TGFBR3: variants seen among roughly 807,000 people sequenced by gnomAD.
TGFBR3 encodes transforming growth factor beta receptor type 3.
Under a neutral mutation model 87.9 loss-of-function variants are expected in TGFBR3, and 46 were observed. The observed-to-expected ratio is 0.52, with a 90% CI of 0.41 to 0.67. The LOEUF (loss-of-function observed/expected upper bound fraction) is 0.67. Among genes scored for constraint, TGFBR3 ranks in the 30% least tolerant of loss-of-function variants. TGFBR3 has a pLI of 0.00. For missense variants in TGFBR3, 866 were observed against 1,041.9 expected, an observed-to-expected ratio of 0.83 and a Z score of 2.32; for synonymous variants, 381 against 391.6, an observed-to-expected ratio of 0.97 and a Z score of 0.32.
chr1:91,789,850 C>A (rs1463477057), intron 3 of TGFBR3, among the ~76,000 whole-genome samples: 1 of 152,206 alleles, frequency 6.6e-6, no homozygotes, highest in Non-Finnish European at 1.5e-5. Context: ...CCTTTCCAGG[C>A]CTGGACTGGC....
intron 1 of TGFBR3, among the ~76,000 whole-genome samples, chr1:91,901,665 A>G (rs1408901663): frequency 3.3e-5 from 5 of 152,126 alleles, no homozygotes; most frequent in African/African-American, 1.2e-4. Context: ...CTGTAATCCC[A>G]GCACTTTGGG....
In TGFBR3 at chr1:91,734,766, T is replaced by A. The variant is rs1672901872; in HGVS notation, c.568+10A>T. 1 of 1,614,120 alleles carries A rather than the reference T, an allele frequency of 6.2e-7. No individual in the cohort carries two copies. The highest frequency in any genetic ancestry group is 1.1e-5 in the South Asian group (1 of 91,084). ...AAATCAGTCATTAACTGAAGCCACA[T>A]AAAATTTACCTTCCCCCACTTTAAT... On this transcript the variant is annotated intron_variant, in intron 5 of 16. Coordinates refer to ENST00000212355, the MANE Select transcript of TGFBR3 (RefSeq NM_003243.5).
In TGFBR3 at chr1:91,716,662, T is replaced by C. The variant is rs570468337; in HGVS notation, c.1613A>G (p.Asp538Gly). The C allele has an allele frequency of 1.2e-6, 2 of 1,614,100 alleles. No homozygotes were observed. The highest frequency in any genetic ancestry group is 2.7e-5 in the African/African-American group (2 of 75,028). Residue 538 changes from aspartate (D) to glycine (G), a missense_variant, in exon 11 of 17, where the codon GAT becomes GGT. Physicochemically the swap from Asp to Gly is moderately conservative, Grantham distance 94. Transcript: ENST00000212355. Reference sequence around the variant, plus strand: ...ACCTGACTCCAGATCTTCATAACCATCTGGCCAACCACTACTGTCCCCAAG... The same window carrying C: ...ACCTGACTCCAGATCTTCATAACCACCTGGCCAACCACTACTGTCCCCAAG... Reference protein sequence around the residue: ...PALGDSSGWPDGYEDLESGDN... With the variant: ...PALGDSSGWPGGYEDLESGDN...
At chr1:91,778,779 A>ATATACTAGC (rs1557705648) in intron 3 of TGFBR3, among the ~76,000 whole-genome samples, 1 of 152,250 alleles carries the variant, frequency 6.6e-6, no homozygotes, top group Non-Finnish European at 1.5e-5. Context: ...ATACTAGCAG[A>ATATACTAGC]AGAGATAGAC....
rs368651115 is a variant in TGFBR3 at position 91,716,622 on chromosome 1, C to T, written c.1653G>A (p.Pro551=). The change falls in exon 11 of 17, where the codon CCG becomes CCA. Residue 551 remains proline (P), a synonymous_variant. Transcript: ENST00000212355. ...EDLESGDNGF[P]GDMDEGDASL... ...AAGCATCTCCTTCATCCATATCTCC[C>T]GGAAATCCATTATCACCTGACTCCA... is the stretch of plus-strand genomic sequence containing the variant. 50 of 1,614,010 alleles carry T rather than the reference C, an allele frequency of 3.1e-5. No homozygotes were observed. Among genetic ancestry groups the T allele is most frequent in the South Asian group, 1.3e-4 (12 of 91,080 alleles).
intron 4 of TGFBR3, among the ~76,000 whole-genome samples, chr1:91,752,917 C>G (rs1673601147): frequency 6.6e-6 from 1 of 151,300 alleles, no homozygotes; most frequent in Non-Finnish European, 1.5e-5. Context: ...ATCCCAGCTA[C>G]TCGGGAGGCT....
chr1:91,683,704 C>T lies in TGFBR3; in HGVS notation c.*35G>A, dbSNP rs1670991038. On this transcript the variant is annotated 3_prime_UTR_variant, in exon 17 of 17. Transcript: ENST00000212355. The stretch of plus-strand genomic sequence containing the variant: ...TTGGCAGTAGCTGAGCTGAGCTGGG[C>T]TGGGCTGGGTTGGGCCGGGTTGGGC... 2 of 1,458,796 alleles carry T rather than the reference C, an allele frequency of 1.4e-6. No individual in the cohort carries two copies. Among genetic ancestry groups the T allele is most frequent in the African/African-American group, 1.4e-5 (1 of 70,360 alleles). 90.4% of individuals were successfully genotyped at this position (1,458,796 alleles called of 1,614,324 possible).
At chr1:91,826,548 C>G (rs2634035) in intron 2 of TGFBR3, among the ~76,000 whole-genome samples, 151,200 of 152,168 alleles carry the variant, frequency 0.99, 75,122 homozygotes, top group Middle Eastern at 1. Context: ...GGGGAAAGAA[C>G]CTCTCTCGCT....
In TGFBR3 at chr1:91,800,330, A is replaced by ATATG. The variant is rs1553168326; in HGVS notation, c.62-2860_62-2859insCATA. 4.6e-3 allele frequency among the ~76,000 whole-genome samples: 620 copies of ATATG among 136,250 alleles called. 4 individuals carry two copies. The highest frequency in any genetic ancestry group is 0.015 in the Middle Eastern group (4 of 260). 89.4% of individuals were successfully genotyped at this position (136,250 alleles called of 152,430 possible). ...TGCATATATGTATATATATGTGTAT[A>ATATG]TGTGTGTGTGTGTGTGTGTGTGTGT... On this transcript the variant is annotated intron_variant, in intron 2 of 16. Transcript: ENST00000212355.
intron 3 of TGFBR3, among the ~76,000 whole-genome samples, chr1:91,762,527 G>A (rs1374344368): frequency 6.6e-6 from 1 of 152,196 alleles, no homozygotes; most frequent in South Asian, 2.1e-4. Context: ...TTCACATGCA[G>A]TTTCTCGTGA....
chr1:91,719,633 G>A (rs531477123), intron 9 of TGFBR3, among the ~76,000 whole-genome samples, 169 bp from the exon 10 acceptor site: 1 of 152,168 alleles, frequency 6.6e-6, no homozygotes, highest in South Asian at 2.1e-4. Context: ...ACAGCTCAAG[G>A]GTAGTATCTG....
chr1:91,778,944 A>G (rs987532857), intron 3 of TGFBR3, among the ~76,000 whole-genome samples: 1 of 152,142 alleles, frequency 6.6e-6, no homozygotes, highest in African/African-American at 2.4e-5. Flanking sequence ...CAAAGCAGGG[A>G]CTGGGTGAAG....
chr1:91,836,230 A>G (rs1165927620), intron 2 of TGFBR3, among the ~76,000 whole-genome samples: 2 of 152,142 alleles, frequency 1.3e-5, no homozygotes, highest in Non-Finnish European at 2.9e-5. Flanking sequence ...CTGGGCAACA[A>G]GAGCAAAACT....
chr1:91,708,636 G>T, intron 14 of TGFBR3, 27 bp downstream of exon 14: 4 of 1,613,714 alleles, frequency 2.5e-6, no homozygotes, highest in Non-Finnish European at 3.4e-6. Flanking sequence ...CAGGCCCCAT[G>T]CTCTGATCGT....
At chr1:91,717,611 C>A (rs1242699844) in intron 10 of TGFBR3, among the ~76,000 whole-genome samples, 6 of 150,848 alleles carry the variant, frequency 4.0e-5, no homozygotes, top group African/African-American at 7.3e-5. Context: ...TATAGTAAGT[C>A]TGAAAATTAC....
intron 4 of TGFBR3, among the ~76,000 whole-genome samples, chr1:91,736,039 C>T (rs559491314): frequency 4.3e-4 from 66 of 152,260 alleles, no homozygotes; most frequent in Non-Finnish European, 8.1e-4. Flanking sequence ...ATTTTTAACA[C>T]ACACAAAATT....
chr1:91,836,011 G>A (rs1268602041), intron 2 of TGFBR3, among the ~76,000 whole-genome samples: 1 of 152,002 alleles, frequency 6.6e-6, no homozygotes, highest in Admixed American at 6.6e-5. Flanking sequence ...ACTCTGGGAG[G>A]CCAAGGTGGG....
chr1:91,740,999 A>G (rs1322352261), intron 4 of TGFBR3, among the ~76,000 whole-genome samples: 1 of 152,218 alleles, frequency 6.6e-6, no homozygotes, highest in African/African-American at 2.4e-5. Context: ...ACCACTCTCA[A>G]TAGTTTACTT....
At chr1:91,798,641 G>C (rs1024326969) in intron 2 of TGFBR3, among the ~76,000 whole-genome samples, 3 of 152,150 alleles carry the variant, frequency 2.0e-5, no homozygotes, top group African/African-American at 7.2e-5. Context: ...ATAGCCACTG[G>C]TGTACACATC....
Sources: allele counts gnomAD v4.1 joint callset (sites outside exome capture counted in the v4.1 genomes callset), GRCh38; gene constraint gnomAD v4.1.1; transcripts MANE v1.5; gene names NCBI Gene and HGNC (gene_info 2026-07-23, HGNC 2026-07-21).